Variants in KRTAP10-8 observed in about 807,000 individuals in gnomAD.
The protein encoded by KRTAP10-8 is keratin-associated protein 10-8.
For missense variants in KRTAP10-8, 323 were observed against 329.3 expected, an observed-to-expected ratio of 0.98 and a Z score of 0.15; for synonymous variants, 153 against 139.5, an observed-to-expected ratio of 1.10 and a Z score of -0.68.
At position 44,612,427 on chromosome 21, in the gene KRTAP10-8, C is replaced by T. The variant is rs367832442; in HGVS notation, c.327C>T (p.Cys109=). 6.2e-6 allele frequency: 10 copies of T among 1,614,024 alleles called. No homozygotes were observed. Among genetic ancestry groups the T allele is most frequent in the African/African-American group, 1.3e-5 (1 of 74,924 alleles). The change falls in exon 1 of 1, where the codon TGC becomes TGT. Residue 109 remains cysteine, a synonymous_variant. Transcript: ENST00000334662. The surrounding 1 kb of genome is among the most constrained non-coding windows in gnomAD (Gnocchi z 4.1). ...CQQSSCQPAC[C]TSSPCQQACC... ...AGTCTAGCTGCCAGCCGGCTTGCTG[C>T]ACCTCCTCCCCCTGCCAACAGGCCT... is the stretch of plus-strand genomic sequence containing the variant.
At position 44,612,437 on chromosome 21, in the gene KRTAP10-8, C is replaced by A. The variant is rs782488882; in HGVS notation, c.337C>A (p.Pro113Thr). ...SCQPACCTSSPCQQACCVPVC... is the reference protein window; with the variant it reads ...SCQPACCTSSTCQQACCVPVC... The stretch of plus-strand genomic sequence containing the variant: ...CCAGCCGGCTTGCTGCACCTCCTCC[C>A]CCTGCCAACAGGCCTGCTGTGTGCC... The change falls in exon 1 of 1, where the codon CCC becomes ACC. Residue 113 changes from proline to threonine, a missense_variant. Physicochemically the swap from Pro to Thr is conservative, Grantham distance 38. Coordinates refer to ENST00000334662, the MANE Select transcript of KRTAP10-8 (RefSeq NM_198695.2). This position sits in a 1 kb window ranked among gnomAD's most constrained non-coding sequence, Gnocchi z 4.1. 2 of 1,611,814 alleles carry A rather than the reference C, an allele frequency of 1.2e-6. No individual in the cohort carries two copies. Among genetic ancestry groups the A allele is most frequent in the South Asian group, 2.2e-5 (2 of 90,970 alleles).
rs782311945 is a variant in KRTAP10-8, at chr21:44,612,267, G to A, written c.167G>A (p.Cys56Tyr). The change falls in exon 1 of 1, where the codon TGT (cysteine) becomes TAT (tyrosine). Residue 56 changes from cysteine (C) to tyrosine (Y), a missense_variant. Cys to Tyr is a radical substitution (Grantham distance 194). Transcript: ENST00000334662. The surrounding 1 kb of genome is among the most constrained non-coding windows in gnomAD (Gnocchi z 4.1). Reference protein sequence around the residue: ...CQESCCEPRSCASSCCTPSCC... With the variant: ...CQESCCEPRSYASSCCTPSCC... ...GAAAGCTGCTGCGAGCCCCGCTCCT[G>A]TGCCTCCAGCTGCTGTACCCCTAGC... 4 of 1,613,576 alleles carry A rather than the reference G, an allele frequency of 2.5e-6. No individual in the cohort carries two copies. Among genetic ancestry groups the A allele is most frequent in the Admixed American group, 1.7e-5 (1 of 60,022 alleles).
chr21:44,612,088 T>C lies in KRTAP10-8; in HGVS notation c.-13T>C. On this transcript the variant is annotated 5_prime_UTR_variant, in exon 1 of 1. Transcript: ENST00000334662. The surrounding 1 kb of genome is among the most constrained non-coding windows in gnomAD (Gnocchi z 4.1). ...TCACACCAGCACTCACACCACCCAGTCCAGCACCCACCATGGCTGACGCCT... is the reference window on the plus strand; with the variant it reads ...TCACACCAGCACTCACACCACCCAGCCCAGCACCCACCATGGCTGACGCCT... The C allele has an allele frequency of 6.2e-7, 1 of 1,611,308 alleles. No homozygotes were observed. Among genetic ancestry groups the C allele is most frequent in the Non-Finnish European group, 8.5e-7 (1 of 1,178,500 alleles).
Position 44,612,775 on chromosome 21 carries a change from C to A in KRTAP10-8, c.675C>A (p.Val225=), listed in dbSNP as rs587645811. 783 of 1,613,682 alleles carry A rather than the reference C, an allele frequency of 4.9e-4. 11 individuals carry two copies. The South Asian group carries it at 8.2e-3, about 17-fold the overall frequency. ...PVCRPACCVP[V]PSCCVPASSC... Reference sequence around the variant, plus strand: ...GCCGGCCTGCCTGCTGTGTGCCTGTCCCCTCCTGTTGTGTCCCTGCCTCCT... The same window carrying A: ...GCCGGCCTGCCTGCTGTGTGCCTGTACCCTCCTGTTGTGTCCCTGCCTCCT... The change falls in exon 1 of 1, where the codon GTC becomes GTA. Residue 225 remains valine (V), a synonymous_variant. Transcript: ENST00000334662. This position sits in a 1 kb window ranked among gnomAD's most constrained non-coding sequence, Gnocchi z 4.1.
rs1291261371 is a variant in KRTAP10-8 at position 44,612,648 on chromosome 21, C to A, written c.548C>A (p.Ala183Asp). ...TGCTGTGTGCCTGTCTGCTCTGGGGCTTCCTCTCTGTGCTGCCAGAAGTCT... is the reference window on the plus strand; with the variant it reads ...TGCTGTGTGCCTGTCTGCTCTGGGGATTCCTCTCTGTGCTGCCAGAAGTCT... ...PICCVPVCSGASSLCCQKSSC... is the reference protein window; with the variant it reads ...PICCVPVCSGDSSLCCQKSSC... The change falls in exon 1 of 1, where the codon GCT becomes GAT. Residue 183 changes from alanine (A) to aspartate (D), a missense_variant. By Grantham distance (126) the Ala-to-Asp change is moderately radical (BLOSUM62 -2). Coordinates refer to ENST00000334662, the MANE Select transcript of KRTAP10-8 (RefSeq NM_198695.2). This position sits in a 1 kb window ranked among gnomAD's most constrained non-coding sequence, Gnocchi z 4.1. The A allele has an allele frequency of 6.2e-7, 1 of 1,613,182 alleles. No individual in the cohort carries two copies. Among genetic ancestry groups the A allele is most frequent in the Admixed American group, 1.7e-5 (1 of 59,932 alleles).
rs1555931444 is a variant in KRTAP10-8, at chr21:44,612,625, C to T, written c.525C>T (p.Cys175=). The change falls in exon 1 of 1, where the codon TGC becomes TGT. Residue 175 remains cysteine (C), a synonymous_variant. Transcript: ENST00000334662. This position sits in a 1 kb window ranked among gnomAD's most constrained non-coding sequence, Gnocchi z 4.1. ...CCVPICCKPI[C]CVPVCSGASS... is the part of the protein sequence containing the mutation. ...TGCCCATCTGCTGCAAGCCCATCTG[C>T]TGTGTGCCTGTCTGCTCTGGGGCTT... 5 of 1,614,150 alleles carry T rather than the reference C, an allele frequency of 3.1e-6. No individual in the cohort carries two copies. Among genetic ancestry groups the T allele is most frequent in the East Asian group, 4.5e-5 (2 of 44,884 alleles).
Position 44,612,296 on chromosome 21 carries a change from T to G in KRTAP10-8, c.196T>G (p.Cys66Gly). The part of the protein sequence containing the change: ...CASSCCTPSC[C>G]APAPCLALVC... ...CTCCAGCTGCTGTACCCCTAGCTGCTGTGCCCCAGCCCCCTGCCTGGCCCT... is the reference window on the plus strand; with the variant it reads ...CTCCAGCTGCTGTACCCCTAGCTGCGGTGCCCCAGCCCCCTGCCTGGCCCT... Residue 66 changes from cysteine to glycine, a missense_variant, in exon 1 of 1, where the codon TGT becomes GGT. Cys to Gly is a radical substitution (Grantham distance 159). Coordinates refer to ENST00000334662, the MANE Select transcript of KRTAP10-8 (RefSeq NM_198695.2). The surrounding 1 kb of genome is among the most constrained non-coding windows in gnomAD (Gnocchi z 4.1). 1.9e-6 allele frequency: 3 copies of G among 1,613,596 alleles called. No individual in the cohort carries two copies. The highest frequency in any genetic ancestry group is 2.5e-6 in the Non-Finnish European group (3 of 1,179,996).
chr21:44,612,635 G>T lies in KRTAP10-8; in HGVS notation c.535G>T (p.Val179Phe), dbSNP rs1555931451. The change falls in exon 1 of 1, where the codon GTC becomes TTC. Residue 179 changes from valine to phenylalanine, a missense_variant. Val to Phe is a conservative substitution (Grantham distance 50). Coordinates refer to ENST00000334662, the MANE Select transcript of KRTAP10-8 (RefSeq NM_198695.2). This position sits in a 1 kb window ranked among gnomAD's most constrained non-coding sequence, Gnocchi z 4.1. ...CTGCAAGCCCATCTGCTGTGTGCCTGTCTGCTCTGGGGCTTCCTCTCTGTG... is the reference window on the plus strand; with the variant it reads ...CTGCAAGCCCATCTGCTGTGTGCCTTTCTGCTCTGGGGCTTCCTCTCTGTG... Reference protein sequence around the residue: ...ICCKPICCVPVCSGASSLCCQ... With the variant: ...ICCKPICCVPFCSGASSLCCQ... 6.2e-7 allele frequency: 1 copy of T among 1,613,308 alleles called. No individual in the cohort carries two copies. The highest frequency in any genetic ancestry group is 8.5e-7 in the Non-Finnish European group (1 of 1,179,868).
rs782238327 is a variant in KRTAP10-8, at chr21:44,612,126, C to G, written c.26C>G (p.Thr9Arg). 1 of 1,614,064 alleles carries G rather than the reference C, an allele frequency of 6.2e-7. No homozygotes were observed. Residue 9 changes from threonine (T) to arginine (R), a missense_variant, in exon 1 of 1, where the codon ACG becomes AGG. Physicochemically the swap from Thr to Arg is moderately conservative, Grantham distance 71 (BLOSUM62 -1). Transcript: ENST00000334662. This position sits in a 1 kb window ranked among gnomAD's most constrained non-coding sequence, Gnocchi z 4.1. MADACCTR[T>R]YVIAASTMSV... ...ATGGCTGACGCCTGCTGCACCAGGA[C>G]GTATGTGATTGCTGCATCCACCATG...
In KRTAP10-8 at chr21:44,612,424, C is replaced by T. The variant is rs782072646; in HGVS notation, c.324C>T (p.Cys108=). Reference sequence around the variant, plus strand: ...AGCAGTCTAGCTGCCAGCCGGCTTGCTGCACCTCCTCCCCCTGCCAACAGG... The same window carrying T: ...AGCAGTCTAGCTGCCAGCCGGCTTGTTGCACCTCCTCCCCCTGCCAACAGG... ...CCQQSSCQPA[C]CTSSPCQQAC... The change falls in exon 1 of 1, where the codon TGC becomes TGT. Residue 108 remains cysteine, a synonymous_variant. Transcript: ENST00000334662. The surrounding 1 kb of genome is among the most constrained non-coding windows in gnomAD (Gnocchi z 4.1). 2.5e-6 allele frequency: 4 copies of T among 1,614,104 alleles called. No individual in the cohort carries two copies. In the East Asian group the frequency reaches 6.7e-5, roughly 27 times the overall value.
Position 44,612,860 on chromosome 21 carries a change from T to A in KRTAP10-8, c.760T>A (p.Cys254Ser), listed in dbSNP as rs146808727. The A allele has an allele frequency of 1.1e-4, 184 of 1,612,030 alleles. 1 individual carries two copies. The African/African-American group carries it at 2.3e-3, about 20-fold the overall frequency. The change falls in exon 1 of 1, where the codon TGC becomes AGC. Residue 254 changes from cysteine (C) to serine (S), a missense_variant. By Grantham distance (112) the Cys-to-Ser change is moderately radical (BLOSUM62 -1). Transcript: ENST00000334662. The surrounding 1 kb of genome is among the most constrained non-coding windows in gnomAD (Gnocchi z 4.1). ...SCLSFLCRPA[C>S]SRLAC ...CCTGTCCTTCCTCTGCCGCCCCGCGTGCTCCCGCCTGGCCTGCTGAGGCCT... is the reference window on the plus strand; with the variant it reads ...CCTGTCCTTCCTCTGCCGCCCCGCGAGCTCCCGCCTGGCCTGCTGAGGCCT...
Position 44,612,898 on chromosome 21 carries a change from G to T in KRTAP10-8, c.*18G>T, listed in dbSNP as rs782257448. 2.5e-6 allele frequency: 4 copies of T among 1,608,164 alleles called. No homozygotes were observed. Among genetic ancestry groups the T allele is most frequent in the Non-Finnish European group, 3.4e-6 (4 of 1,178,326 alleles). ...CCTGCTGAGGCCTCTGCTCAGGCCA[G>T]GAGTCCAGCTGCTGATGGGCACGTC... On this transcript the variant is annotated 3_prime_UTR_variant, in exon 1 of 1. Coordinates refer to ENST00000334662, the MANE Select transcript of KRTAP10-8 (RefSeq NM_198695.2). The surrounding 1 kb of genome is among the most constrained non-coding windows in gnomAD (Gnocchi z 4.1).
chr21:44,612,285 C>A lies in KRTAP10-8; in HGVS notation c.185C>A (p.Thr62Asn), dbSNP rs781983764. Residue 62 changes from threonine (T) to asparagine (N), a missense_variant, in exon 1 of 1, where the codon ACC (threonine) becomes AAC (asparagine). Coordinates refer to ENST00000334662, the MANE Select transcript of KRTAP10-8 (RefSeq NM_198695.2). The surrounding 1 kb of genome is among the most constrained non-coding windows in gnomAD (Gnocchi z 4.1). ...EPRSCASSCCTPSCCAPAPCL... is the reference protein window; with the variant it reads ...EPRSCASSCCNPSCCAPAPCL... ...CGCTCCTGTGCCTCCAGCTGCTGTA[C>A]CCCTAGCTGCTGTGCCCCAGCCCCC... 6.2e-6 allele frequency: 10 copies of A among 1,613,410 alleles called. No individual in the cohort carries two copies. The highest frequency in any genetic ancestry group is 8.5e-6 in the Non-Finnish European group (10 of 1,179,998).
At position 44,612,216 on chromosome 21, in the gene KRTAP10-8, C is replaced by T; in HGVS notation, c.116C>T (p.Ser39Phe). 6.2e-7 allele frequency: 1 copy of T among 1,613,960 alleles called. No homozygotes were observed. The highest frequency in any genetic ancestry group is 8.5e-7 in the Non-Finnish European group (1 of 1,180,018). Reference protein sequence around the residue: ...RVSSPSTCTGSSWQVDNCQES... With the variant: ...RVSSPSTCTGFSWQVDNCQES... ...TCCTCCCCCAGCACCTGCACTGGCT[C>T]CTCCTGGCAGGTGGACAATTGCCAG... Residue 39 changes from serine (S) to phenylalanine (F), a missense_variant, in exon 1 of 1, where the codon TCC becomes TTC. Physicochemically the swap from Ser to Phe is radical, Grantham distance 155 (BLOSUM62 -2). Coordinates refer to ENST00000334662, the MANE Select transcript of KRTAP10-8 (RefSeq NM_198695.2). This position sits in a 1 kb window ranked among gnomAD's most constrained non-coding sequence, Gnocchi z 4.1.
chr21:44,612,265 C>T lies in KRTAP10-8; in HGVS notation c.165C>T (p.Ser55=), dbSNP rs372099444. The change falls in exon 1 of 1, where the codon TCC becomes TCT. Residue 55 remains serine (S), a synonymous_variant. Coordinates refer to ENST00000334662, the MANE Select transcript of KRTAP10-8 (RefSeq NM_198695.2). This position sits in a 1 kb window ranked among gnomAD's most constrained non-coding sequence, Gnocchi z 4.1. ...AGGAAAGCTGCTGCGAGCCCCGCTCCTGTGCCTCCAGCTGCTGTACCCCTA... is the reference window on the plus strand; with the variant it reads ...AGGAAAGCTGCTGCGAGCCCCGCTCTTGTGCCTCCAGCTGCTGTACCCCTA... ...NCQESCCEPR[S]CASSCCTPSC... The T allele has an allele frequency of 2.5e-5, 41 of 1,613,520 alleles. No homozygotes were observed. The highest frequency in any genetic ancestry group is 3.5e-5 in the Non-Finnish European group (41 of 1,180,016).
In KRTAP10-8 at chr21:44,612,738, G is replaced by A. The variant is rs150908364; in HGVS notation, c.638G>A (p.Cys213Tyr). ...CCCTCCTCCTCCGTGTCCCTCCTCT[G>A]CCGCCCTGTGTGCCGGCCTGCCTGC... ...CRPSSSVSLL[C>Y]RPVCRPACCV... The change falls in exon 1 of 1, where the codon TGC becomes TAC. Residue 213 changes from cysteine to tyrosine, a missense_variant. Coordinates refer to ENST00000334662, the MANE Select transcript of KRTAP10-8 (RefSeq NM_198695.2). The surrounding 1 kb of genome is among the most constrained non-coding windows in gnomAD (Gnocchi z 4.1). 5 of 1,613,456 alleles carry A rather than the reference G, an allele frequency of 3.1e-6. No homozygotes were observed. The African/African-American group carries it at 6.7e-5, about 22-fold the overall frequency.
At position 44,612,157 on chromosome 21, in the gene KRTAP10-8, C is replaced by T; in HGVS notation, c.57C>T (p.Val19=). 1 of 1,614,114 alleles carries T rather than the reference C, an allele frequency of 6.2e-7. No homozygotes were observed. The highest frequency in any genetic ancestry group is 1.1e-5 in the South Asian group (1 of 91,082). Residue 19 remains valine (V), a synonymous_variant, in exon 1 of 1, where the codon GTC becomes GTT. Coordinates refer to ENST00000334662, the MANE Select transcript of KRTAP10-8 (RefSeq NM_198695.2). This position sits in a 1 kb window ranked among gnomAD's most constrained non-coding sequence, Gnocchi z 4.1. ...TGATTGCTGCATCCACCATGTCTGT[C>T]TGCTCCAGTGACGTGGGCCATGTCA... ...TYVIAASTMS[V]CSSDVGHVSR...
rs782000145 is a variant in KRTAP10-8, at chr21:44,612,351, G to T, written c.251G>T (p.Ser84Ile). ...TGTGCCCCAGTGAGCTGTGAGCCCA[G>T]CCCCTGCCAATCAGGCTGCACCGAC... is the stretch of plus-strand genomic sequence containing the variant. ...LVCAPVSCEPSPCQSGCTDSC... is the reference protein window; with the variant it reads ...LVCAPVSCEPIPCQSGCTDSC... The change falls in exon 1 of 1, where the codon AGC (serine) becomes ATC (isoleucine). Residue 84 changes from serine (S) to isoleucine (I), a missense_variant. Physicochemically the swap from Ser to Ile is moderately radical, Grantham distance 142. Coordinates refer to ENST00000334662, the MANE Select transcript of KRTAP10-8 (RefSeq NM_198695.2). This position sits in a 1 kb window ranked among gnomAD's most constrained non-coding sequence, Gnocchi z 4.1. 1.1e-5 allele frequency: 17 copies of T among 1,613,840 alleles called. No homozygotes were observed. The highest frequency in any genetic ancestry group is 1.4e-5 in the Non-Finnish European group (17 of 1,180,004).
In KRTAP10-8 at chr21:44,612,260, C is replaced by T. The variant is rs587600930; in HGVS notation, c.160C>T (p.Arg54Cys). 69 of 1,613,524 alleles carry T rather than the reference C, an allele frequency of 4.3e-5. 1 individual carries two copies. Among genetic ancestry groups the T allele is most frequent in the South Asian group, 2.5e-4 (23 of 91,074 alleles). Residue 54 changes from arginine to cysteine, a missense_variant, in exon 1 of 1, where the codon CGC (arginine) becomes TGC (cysteine). Transcript: ENST00000334662. This position sits in a 1 kb window ranked among gnomAD's most constrained non-coding sequence, Gnocchi z 4.1. ...TTGCCAGGAAAGCTGCTGCGAGCCC[C>T]GCTCCTGTGCCTCCAGCTGCTGTAC... Reference protein sequence around the residue: ...DNCQESCCEPRSCASSCCTPS... With the variant: ...DNCQESCCEPCSCASSCCTPS...
Sources: allele counts gnomAD v4.1 joint callset, GRCh38; gene constraint gnomAD v4.1.1; non-coding constraint Gnocchi (gnomAD v3.1); transcripts MANE v1.5; gene names NCBI Gene and HGNC (gene_info 2026-07-23, HGNC 2026-07-21).